Variants in ANGPT4 observed in about 807,000 individuals in gnomAD.
ANGPT4 encodes the protein angiopoietin-4.
ANGPT4 carries 50 observed loss-of-function variants against 53.0 expected under a neutral mutation model. The observed-to-expected ratio is 0.94, with a 90% CI of 0.75 to 1.20. The LOEUF (loss-of-function observed/expected upper bound fraction) is 1.20. ANGPT4 is among the 50% of genes most tolerant of loss of function. The pLI, the probability that ANGPT4 is intolerant of heterozygous loss-of-function variation, is 0.00. For synonymous variants in ANGPT4, 251 were observed against 259.7 expected, an observed-to-expected ratio of 0.97 and a Z score of 0.32; for missense variants, 648 against 637.1, an observed-to-expected ratio of 1.02 and a Z score of -0.18.
chr20:880,206 C>T (rs1490024606), intron 5 of ANGPT4, among the ~76,000 whole-genome samples: 4 of 152,078 alleles, frequency 2.6e-5, no homozygotes, highest in African/African-American at 9.7e-5. Context: ...AACGGAAGCT[C>T]GACCTCTTTT....
Position 888,415 on chromosome 20 carries a change from C to G in ANGPT4, c.490G>C (p.Asp164His). The G allele has an allele frequency of 6.2e-7, 1 of 1,613,366 alleles. No homozygotes were observed. Among genetic ancestry groups the G allele is most frequent in the Non-Finnish European group, 8.5e-7 (1 of 1,179,890 alleles). Residue 164 changes from aspartate (D) to histidine (H), a missense_variant, in exon 3 of 9, where the codon GAT (aspartate) becomes CAT (histidine). Coordinates refer to ENST00000381922, the MANE Select transcript of ANGPT4 (RefSeq NM_015985.4). ...AQLLNQTSRM[D>H]AQMPETFLST... ...AGAAAGGTCTCTGGCATCTGGGCAT[C>G]CATTCTTGATGTCTGGTTCAGGAGC...
chr20:879,702 C>A, intron 6 of ANGPT4, 45 bp downstream of exon 6: 1 of 1,558,174 alleles, frequency 6.4e-7, no homozygotes, highest in Non-Finnish European at 8.8e-7. Context: ...GCCCCAGCCC[C>A]AGGTTTCAGA....
At chr20:883,445 C>T (rs1037369243) in intron 4 of ANGPT4, among the ~76,000 whole-genome samples, 1 of 152,262 alleles carries the variant, frequency 6.6e-6, no homozygotes, top group African/African-American at 2.4e-5. Flanking sequence ...CTCCACCTGA[C>T]TGGGACAAAG....
chr20:909,097 C>T (rs1439409990), intron 1 of ANGPT4, among the ~76,000 whole-genome samples: 1 of 152,106 alleles, frequency 6.6e-6, no homozygotes, highest in East Asian at 1.9e-4. Flanking sequence ...AACTCACCTC[C>T]CTCACTTCTT....
chr20:898,877 A>G (rs1982160993), intron 1 of ANGPT4, among the ~76,000 whole-genome samples: 1 of 152,142 alleles, frequency 6.6e-6, no homozygotes, highest in Non-Finnish European at 1.5e-5. Context: ...GATTCCTCCT[A>G]AGCCGTGTCC....
rs541317913 is a variant in ANGPT4 at position 894,816 on chromosome 20, T to G, written c.310-4448A>C. ...AAGGTCACCATCTGGCAGGCTAGGC[T>G]CTAAGACTCCTTGCCTGAGGGCTGC... On this transcript the variant is annotated intron_variant, in intron 1 of 8. Transcript: ENST00000381922. Among the ~76,000 whole-genome samples, 20 of 152,248 alleles carry G rather than the reference T, an allele frequency of 1.3e-4. No homozygotes were observed. In the East Asian group the frequency reaches 3.9e-3, roughly 29 times the overall value.
chr20:889,006 C>G (rs967502670), intron 2 of ANGPT4, among the ~76,000 whole-genome samples: 1 of 152,218 alleles, frequency 6.6e-6, no homozygotes, highest in African/African-American at 2.4e-5. Flanking sequence ...GTCACTCCAG[C>G]ATAGTGGTCT....
At chr20:898,473 A>G (rs1982141762) in intron 1 of ANGPT4, among the ~76,000 whole-genome samples, 1 of 152,176 alleles carries the variant, frequency 6.6e-6, no homozygotes, top group South Asian at 2.1e-4. Flanking sequence ...TTCATGGCCC[A>G]CTTAGCAGCT....
chr20:879,634 T>C, intron 6 of ANGPT4, 113 bp downstream of exon 6: 1 of 724,258 alleles, frequency 1.4e-6, no homozygotes, highest in Non-Finnish European at 2.2e-6. Flanking sequence ...CAGCTTTAGA[T>C]GAGTTGATTT....
At position 872,759 on chromosome 20, in the gene ANGPT4, C is replaced by T. The variant is rs989340235; in HGVS notation, c.*201G>A. 1.1e-5 allele frequency: 7 copies of T among 628,250 alleles called. No individual in the cohort carries two copies. Among genetic ancestry groups the T allele is most frequent in the Middle Eastern group, 4.5e-4 (1 of 2,240 alleles). The allele number at this position is 628,250 out of a possible 1,614,324, so 38.9% of individuals were successfully genotyped here. ...AGGACTACATCAGAGGGATGGGCCC[C>T]GAACACCCTCCATGTCACAGACGGA... On this transcript the variant is annotated 3_prime_UTR_variant, in exon 9 of 9. Transcript: ENST00000381922.
intron 6 of ANGPT4, among the ~76,000 whole-genome samples, chr20:879,199 T>C (rs1313724321): frequency 6.6e-6 from 1 of 152,244 alleles, no homozygotes; most frequent in Non-Finnish European, 1.5e-5. Flanking sequence ...GTGGGTATCT[T>C]TTTCTATTTC....
Position 870,033 on chromosome 20 carries a change from G to A in ANGPT4, c.*2927C>T, listed in dbSNP as rs1220283849. On this transcript the variant is annotated 3_prime_UTR_variant, in exon 9 of 9. Coordinates refer to ENST00000381922, the MANE Select transcript of ANGPT4 (RefSeq NM_015985.4). Reference sequence around the variant, plus strand: ...GTGAGGAAAGATCCTGGCTGAGAATGAAGTCAACGGGGCAGATGGAGGGGC... The same window carrying A: ...GTGAGGAAAGATCCTGGCTGAGAATAAAGTCAACGGGGCAGATGGAGGGGC... 2 of 152,334 alleles carry A rather than the reference G, an allele frequency of 1.3e-5. No individual in the cohort carries two copies. Among genetic ancestry groups the A allele is most frequent in the Non-Finnish European group, 2.9e-5 (2 of 68,124 alleles). 9.4% of individuals were successfully genotyped at this position (152,334 alleles called of 1,614,324 possible).
At chr20:901,182 C>T (rs1480877775) in intron 1 of ANGPT4, among the ~76,000 whole-genome samples, 2 of 152,158 alleles carry the variant, frequency 1.3e-5, no homozygotes, top group Admixed American at 1.3e-4. Flanking sequence ...AACACTTCAC[C>T]ACTATTTTGT....
At chr20:913,471 T>A (rs541945856) in intron 1 of ANGPT4, among the ~76,000 whole-genome samples, 1 of 152,318 alleles carries the variant, frequency 6.6e-6, no homozygotes, top group East Asian at 1.9e-4. Flanking sequence ...TCTTAGGCCC[T>A]ACGGCACTCT....
intron 4 of ANGPT4, among the ~76,000 whole-genome samples, chr20:883,052 A>G (rs548285597): frequency 1.7e-4 from 26 of 152,374 alleles, no homozygotes; most frequent in African/African-American, 6.3e-4. Context: ...TTTTGTATGC[A>G]TGAACTCATC....
chr20:886,471 TA>T (rs1981624406), intron 3 of ANGPT4, among the ~76,000 whole-genome samples: 1 of 152,194 alleles, frequency 6.6e-6, no homozygotes, highest in Admixed American at 6.5e-5. Context: ...CATTTGGGCT[TA>T]AAAAGGATAA....
At chr20:905,356 C>T (rs117063491) in intron 1 of ANGPT4, among the ~76,000 whole-genome samples, 2 of 152,098 alleles carry the variant, frequency 1.3e-5, no homozygotes, top group Non-Finnish European at 2.9e-5. Flanking sequence ...GAGAGGTCCT[C>T]GATAAATATT....
In ANGPT4 at chr20:885,190, C is replaced by T. The variant is rs1215317892; in HGVS notation, c.723G>A (p.Leu241=). The T allele has an allele frequency of 6.2e-7, 1 of 1,603,146 alleles. No homozygotes were observed. Among genetic ancestry groups the T allele is most frequent in the Admixed American group, 1.7e-5 (1 of 58,564 alleles). The change falls in exon 4 of 9, where the codon CTG becomes CTA. Residue 241 remains leucine (L), a synonymous_variant. Transcript: ENST00000381922. ...GGCTGGAGTTGTGCCTGACACCGCGCAGGCCGCGCTCGATGTTGGTGAGGG... is the reference window on the plus strand; with the variant it reads ...GGCTGGAGTTGTGCCTGACACCGCGTAGGCCGCGCTCGATGTTGGTGAGGG... The part of the protein sequence containing the change: ...SAALTNIERG[L]RGVRHNSSLL...
intron 7 of ANGPT4, among the ~76,000 whole-genome samples, chr20:874,995 C>G (rs1981105093): frequency 6.6e-6 from 1 of 152,072 alleles, no homozygotes; most frequent in Non-Finnish European, 1.5e-5. Flanking sequence ...ACTGGGATTA[C>G]AGATGTGAGC....
Sources: allele counts gnomAD v4.1 joint callset (sites outside exome capture counted in the v4.1 genomes callset), GRCh38; gene constraint gnomAD v4.1.1; transcripts MANE v1.5; gene names NCBI Gene and HGNC (gene_info 2026-07-23, HGNC 2026-07-21).